DEPDC7: variants seen among roughly 807,000 people sequenced by gnomAD.
DEPDC7 encodes the protein DEP domain containing 7.
DEPDC7 carries 41 observed loss-of-function variants against 56.6 expected under a neutral mutation model. The observed-to-expected ratio is 0.72, with a 90% CI of 0.56 to 0.94. The LOEUF is 0.94. Among genes scored for constraint, DEPDC7 ranks in the 40% least tolerant of loss-of-function variants. The pLI, the probability that DEPDC7 is intolerant of heterozygous loss-of-function variation, is 0.00. For missense variants in DEPDC7, 522 were observed against 596.3 expected, an observed-to-expected ratio of 0.88 and a Z score of 1.30; for synonymous variants, 185 against 208.8, an observed-to-expected ratio of 0.89 and a Z score of 0.98.
At position 33,025,819 on chromosome 11, in the gene DEPDC7, C is replaced by T. The variant is rs957553535; in HGVS notation, c.234C>T (p.His78=). Residue 78 remains histidine (H), a synonymous_variant, in exon 2 of 9, where the codon CAC becomes CAT. Coordinates refer to ENST00000241051, the MANE Select transcript of DEPDC7 (RefSeq NM_001077242.2). ...GSEAVDVIFS[H]LIQNKYFGDV... ...AAGCTGTGGATGTCATTTTTTCTCA[C>T]CTAATTCAGAATAAGTATTTTGGTG... The T allele has an allele frequency of 1.2e-6, 2 of 1,614,124 alleles. No individual in the cohort carries two copies. The highest frequency in any genetic ancestry group is 1.3e-5 in the African/African-American group (1 of 75,028).
chr11:33,023,489 G>T, intron 1 of DEPDC7, among the ~76,000 whole-genome samples: 1 of 152,132 alleles, frequency 6.6e-6, no homozygotes. Flanking sequence ...AATTTCAAAT[G>T]ACCCACTTAT....
At chr11:33,020,788 C>A (rs943346695) in intron 1 of DEPDC7, among the ~76,000 whole-genome samples, 2 of 152,192 alleles carry the variant, frequency 1.3e-5, no homozygotes, top group Non-Finnish European at 2.9e-5. Flanking sequence ...GAGGCATGAG[C>A]CACTGTGCCT....
Position 33,031,490 on chromosome 11 carries a change from A to G in DEPDC7, c.895A>G (p.Lys299Glu), listed in dbSNP as rs75979055. Residue 299 changes from lysine to glutamate, a missense_variant, in exon 5 of 9, where the codon AAA becomes GAA. By Grantham distance (56) the Lys-to-Glu change is moderately conservative. Coordinates refer to ENST00000241051, the MANE Select transcript of DEPDC7 (RefSeq NM_001077242.2). ...PEQPDRTDLVKELLFDAIGRY... is the reference protein window; with the variant it reads ...PEQPDRTDLVEELLFDAIGRY... ...GCAACCAGACCGAACAGACTTAGTG[A>G]AAGAACTTCTGTTTGATGCCATTGG... 6,057 of 1,614,182 alleles carry G rather than the reference A, an allele frequency of 3.8e-3. 17 individuals are homozygous for G. Among genetic ancestry groups the G allele is most frequent in the Non-Finnish European group, 4.7e-3 (5,567 of 1,180,000 alleles).
chr11:33,028,169 G>C (rs1853597920), intron 3 of DEPDC7: 1 of 197,398 alleles, frequency 5.1e-6, no homozygotes, highest in African/African-American at 2.3e-5. Context: ...GAATTCTTCG[G>C]TTCTTCCTTG....
At chr11:33,016,263 T>C (rs1387687006) in intron 1 of DEPDC7, 1 of 1,359,222 alleles carries the variant, frequency 7.4e-7, no homozygotes, top group Non-Finnish European at 9.4e-7. Context: ...ACAGCCCAGC[T>C]TTTTTCTTTC....
rs147253047 is a variant in DEPDC7, at chr11:33,031,898, A to G, written c.994+309A>G. On this transcript the variant is annotated intron_variant, in intron 5 of 8. Coordinates refer to ENST00000241051, the MANE Select transcript of DEPDC7 (RefSeq NM_001077242.2). ...CAGCACCACCATTACTCCCCTTTCA[A>G]TCTCTTCAAAATGGCAGACTCTCTG... Among the ~76,000 whole-genome samples the G allele has an allele frequency of 1.0e-3, 159 of 152,272 alleles. 2 individuals are homozygous for G. The highest frequency in any genetic ancestry group is 5.0e-3 in the Admixed American group (76 of 15,286).
At chr11:33,028,939 A>G (rs1413638392) in intron 4 of DEPDC7, 147 bp downstream of exon 4, 4 of 515,506 alleles carry the variant, frequency 7.8e-6, no homozygotes, top group South Asian at 7.5e-5. Flanking sequence ...GTGAAGAACA[A>G]AATTACATTA....
rs1853573185 is a variant in DEPDC7 at position 33,025,917 on chromosome 11, T to C, written c.332T>C (p.Val111Ala). 1 of 1,614,060 alleles carries C rather than the reference T, an allele frequency of 6.2e-7. No homozygotes were observed. The highest frequency in any genetic ancestry group is 1.3e-5 in the African/African-American group (1 of 74,924). Residue 111 changes from valine (V) to alanine (A), a missense_variant, in exon 2 of 9, where the codon GTT (valine) becomes GCT (alanine). Coordinates refer to ENST00000241051, the MANE Select transcript of DEPDC7 (RefSeq NM_001077242.2). ...ALMDYKVFEAVPTKVFGKDKK... is the reference protein window; with the variant it reads ...ALMDYKVFEAAPTKVFGKDKK... ...ATGGACTACAAAGTATTTGAAGCAG[T>C]TCCAACCAAAGTCTTTGGAAAAGAC...
rs750559110 is a variant in DEPDC7, at chr11:33,025,960, A to G, written c.375A>G (p.Glu125=). 8 of 1,614,048 alleles carry G rather than the reference A, an allele frequency of 5.0e-6. No homozygotes were observed. The highest frequency in any genetic ancestry group is 1.3e-5 in the African/African-American group (1 of 74,926). The change falls in exon 2 of 9, where the codon GAA becomes GAG. Residue 125 remains glutamate, a synonymous_variant. Coordinates refer to ENST00000241051, the MANE Select transcript of DEPDC7 (RefSeq NM_001077242.2). ...GAAAAGACAAAAAACCTACATTTGA[A>G]GATAGTAGTTGCAGCCTTTATAGAT... is the stretch of plus-strand genomic sequence containing the variant. ...VFGKDKKPTF[E]DSSCSLYRFT...
At chr11:33,027,580 T>G in intron 2 of DEPDC7, 106 bp from the exon 3 acceptor site, 1 of 1,016,846 alleles carries the variant, frequency 9.8e-7, no homozygotes, top group Admixed American at 3.6e-5. Context: ...ATTTGTTGTG[T>G]TTTTGCTCTG....
At chr11:33,017,272 A>G (rs1853474216) in intron 1 of DEPDC7, among the ~76,000 whole-genome samples, 1 of 152,230 alleles carries the variant, frequency 6.6e-6, no homozygotes, top group Admixed American at 6.5e-5. Context: ...ACCAAATGAC[A>G]TTGAAAACAG....
intron 5 of DEPDC7, 69 bp downstream of exon 5, chr11:33,031,658 C>A: frequency 7.9e-7 from 1 of 1,267,950 alleles, no homozygotes; most frequent in Non-Finnish European, 1.1e-6. Context: ...AGTTCTCAAA[C>A]TGAACCAGAA....
At chr11:33,027,536 T>G in intron 2 of DEPDC7, 150 bp from the exon 3 acceptor site, 1 of 540,932 alleles carries the variant, frequency 1.8e-6, no homozygotes, top group Non-Finnish European at 2.9e-6. Flanking sequence ...AGAAGGTGGG[T>G]GTTTTTATAA....
In DEPDC7 at chr11:33,032,737, G is replaced by A. The variant is rs1853646465; in HGVS notation, c.1207G>A (p.Gly403Ser). 6.2e-7 allele frequency: 1 copy of A among 1,608,224 alleles called. No individual in the cohort carries two copies. The highest frequency in any genetic ancestry group is 1.3e-5 in the African/African-American group (1 of 74,664). The part of the protein sequence containing the change: ...AIVDNKNLSK[G>S]KTDLLVLFLM... ...TGTTGACAATAAAAATTTATCCAAA[G>A]GCAAAACAGATCTTCTGGTACTCTT... The change falls in exon 7 of 9, where the codon GGC becomes AGC. Residue 403 changes from glycine (G) to serine (S), a missense_variant. By Grantham distance (56) the Gly-to-Ser change is moderately conservative. Coordinates refer to ENST00000241051, the MANE Select transcript of DEPDC7 (RefSeq NM_001077242.2).
rs531309178 is a variant in DEPDC7, at chr11:33,026,045, G to T, written c.460G>T (p.Ala154Ser). Residue 154 changes from alanine (A) to serine (S), a missense_variant, in exon 2 of 9, where the codon GCC (alanine) becomes TCC (serine). Coordinates refer to ENST00000241051, the MANE Select transcript of DEPDC7 (RefSeq NM_001077242.2). ...LGKENKLYSP[A>S]RYADALFKSS... The stretch of plus-strand genomic sequence containing the variant: ...CAAAGAGAACAAACTATATTCACCT[G>T]CCAGGTTGGTATATAATGTTAGATT... 13 of 1,613,668 alleles carry T rather than the reference G, an allele frequency of 8.1e-6. No individual in the cohort carries two copies. The highest frequency in any genetic ancestry group is 1.1e-5 in the Non-Finnish European group (13 of 1,179,964).
chr11:33,032,193 T>C (rs1258974940), intron 5 of DEPDC7, 143 bp from the exon 6 acceptor site: 2 of 725,148 alleles, frequency 2.8e-6, no homozygotes, highest in African/African-American at 3.8e-5. Flanking sequence ...TCACCATTCA[T>C]TGTTAATTCC....
chr11:33,019,963 TATTA>T (rs1039647264), intron 1 of DEPDC7, among the ~76,000 whole-genome samples: 31 of 152,170 alleles, frequency 2.0e-4, no homozygotes, highest in Non-Finnish European at 3.8e-4. Context: ...TAGTGTGTTT[TATTA>T]ATTCTGTGTG....
rs1464834968 is a variant in DEPDC7, at chr11:33,032,688, G to A, written c.1158G>A (p.Val386=). 6.3e-7 allele frequency: 1 copy of A among 1,594,790 alleles called. No homozygotes were observed. Among genetic ancestry groups the A allele is most frequent in the Non-Finnish European group, 8.5e-7 (1 of 1,169,910 alleles). Residue 386 remains valine (V), a synonymous_variant, in exon 7 of 9, where the codon GTG becomes GTA. Transcript: ENST00000241051. ...TATAGAGTGACAACCGAATGGTTGT[G>A]AAAAGGATATTCTCAAAAGCTATTG... The part of the protein sequence containing the change: ...LQKESDNRMV[V]KRIFSKAIVD...
At position 33,031,393 on chromosome 11, in the gene DEPDC7, C is replaced by G. The variant is rs774403826; in HGVS notation, c.798C>G (p.Leu266=). The part of the protein sequence containing the change: ...AYSDSQEDEW[L]SAAIDCLEYL... ...TCCCCTATAGGGAAGATGAGTGGCT[C>G]TCGGCAGCAATTGACTGTTTAGAAT... Residue 266 remains leucine, a synonymous_variant, in exon 5 of 9, where the codon CTC becomes CTG. Transcript: ENST00000241051. 1 of 1,614,080 alleles carries G rather than the reference C, an allele frequency of 6.2e-7. No individual in the cohort carries two copies. The highest frequency in any genetic ancestry group is 8.5e-7 in the Non-Finnish European group (1 of 1,179,952).
Sources: gnomAD v4.1 joint callset for allele counts (sites outside exome capture counted in the v4.1 genomes callset) on GRCh38, gnomAD v4.1.1 for gene constraint, MANE v1.5 for transcripts, NCBI Gene and HGNC (gene_info 2026-07-23, HGNC 2026-07-21) for gene names.